NFIB: variants seen among roughly 807,000 people sequenced by gnomAD.
The protein encoded by NFIB is nuclear factor I B, also known as nuclear factor 1 B-type.
Under a neutral mutation model 61.5 loss-of-function variants are expected in NFIB, and 11 were observed. The ratio of observed to expected loss-of-function variants is 0.18; its 90% CI spans 0.11 to 0.30. The LOEUF is 0.30. NFIB is among the 10% of genes least tolerant of loss of function. The pLI is 1.00. For synonymous variants in NFIB, 260 were observed against 216.5 expected (o/e 1.20, Z -1.76); for missense variants, 471 against 608.9 (o/e 0.77, Z 2.38).
At chr9:14,250,316 A>C (rs2055448919) in intron 2 of NFIB, among the ~76,000 whole-genome samples, 1 of 152,166 alleles carries the variant, frequency 6.6e-6, no homozygotes, top group Non-Finnish European at 1.5e-5. Context: ...TAATGTCCCC[A>C]GGTAGCTAAT....
At chr9:14,177,155 T>C (rs1021486773) in intron 3 of NFIB, among the ~76,000 whole-genome samples, 1 of 152,222 alleles carries the variant, frequency 6.6e-6, no homozygotes, top group Non-Finnish European at 1.5e-5. Flanking sequence ...TTCTCATACA[T>C]GGATCGTGCC....
At chr9:14,245,038 C>T (rs12337612) in intron 2 of NFIB, among the ~76,000 whole-genome samples, 2 of 152,216 alleles carry the variant, frequency 1.3e-5, no homozygotes, top group Non-Finnish European at 2.9e-5. Context: ...TTATCACCCT[C>T]TGCAACCTCA....
the NFIB span, among the ~76,000 whole-genome samples, chr9:14,496,343 T>C: frequency 6.6e-6 from 1 of 152,208 alleles, no homozygotes; most frequent in Non-Finnish European, 1.5e-5. Flanking sequence ...ATAAACTGTG[T>C]TGTGTACCTA....
At chr9:14,262,243 T>C (rs2056825926) in intron 2 of NFIB, among the ~76,000 whole-genome samples, 1 of 152,142 alleles carries the variant, frequency 6.6e-6, no homozygotes, top group African/African-American at 2.4e-5. Flanking sequence ...ATACAGGTGA[T>C]TTCCTTGTAG....
At chr9:14,136,949 G>A (rs1166689887) in intron 6 of NFIB, among the ~76,000 whole-genome samples, 1 of 151,960 alleles carries the variant, frequency 6.6e-6, no homozygotes, top group Non-Finnish European at 1.5e-5. Flanking sequence ...TCCAACAAAT[G>A]TAAATGAAGA....
chr9:14,130,865 A>G (rs2040321407), intron 6 of NFIB, among the ~76,000 whole-genome samples: 1 of 152,224 alleles, frequency 6.6e-6, no homozygotes. Flanking sequence ...AAATATCACC[A>G]GATGAGAAGT....
chr9:14,172,727 G>A (rs2131371131), intron 3 of NFIB, among the ~76,000 whole-genome samples: 1 of 151,748 alleles, frequency 6.6e-6, no homozygotes, highest in Admixed American at 6.6e-5. Flanking sequence ...TGTAACTTCG[G>A]TATGTCATCT....
intron 2 of NFIB, among the ~76,000 whole-genome samples, chr9:14,236,433 A>G (rs1345735786): frequency 6.6e-6 from 1 of 152,084 alleles, no homozygotes; most frequent in Non-Finnish European, 1.5e-5. Context: ...TTACCATAAA[A>G]CTCTACCACA....
the NFIB span, among the ~76,000 whole-genome samples, chr9:14,500,062 T>C: frequency 3.9e-5 from 6 of 152,194 alleles, no homozygotes; most frequent in Non-Finnish European, 7.3e-5. Flanking sequence ...CCTGCCTACC[T>C]CTTTAGCCAC....
At chr9:14,506,932 C>T in the NFIB span, among the ~76,000 whole-genome samples, 1 of 152,186 alleles carries the variant, frequency 6.6e-6, no homozygotes, top group Non-Finnish European at 1.5e-5. Context: ...CACAAATCAA[C>T]TGTTAGGCGT....
At chr9:14,101,755 C>G (rs2035816611) in intron 10 of NFIB, among the ~76,000 whole-genome samples, 1 of 152,312 alleles carries the variant, frequency 6.6e-6, no homozygotes, top group African/African-American at 2.4e-5. Context: ...GAAACAGTAT[C>G]AGAACTGGTT....
At chr9:14,372,847 A>C (rs2132976461) in intron 1 of NFIB, among the ~76,000 whole-genome samples, 1 of 152,338 alleles carries the variant, frequency 6.6e-6, no homozygotes, top group Non-Finnish European at 1.5e-5. Flanking sequence ...CAAGTGTTGA[A>C]TCACTCAGAG....
intron 6 of NFIB, among the ~76,000 whole-genome samples, chr9:14,132,059 C>G (rs528475612): frequency 1.7e-3 from 266 of 152,216 alleles, no homozygotes; most frequent in Non-Finnish European, 2.9e-3. Flanking sequence ...CTTTTCTTCC[C>G]TATAGTAACA....
At chr9:14,374,434 CAT>C (rs1390569694) in intron 1 of NFIB, among the ~76,000 whole-genome samples, 1 of 152,132 alleles carries the variant, frequency 6.6e-6, no homozygotes, top group Non-Finnish European at 1.5e-5. Flanking sequence ...TGGTGACAGT[CAT>C]AGTATCTCAG....
At chr9:14,430,416 G>C in the NFIB span, among the ~76,000 whole-genome samples, 1 of 151,956 alleles carries the variant, frequency 6.6e-6, no homozygotes, top group Admixed American at 6.6e-5. Flanking sequence ...GTTATAATTT[G>C]AATAAACGGA....
At chr9:14,175,453 C>T (rs1177747837) in intron 3 of NFIB, among the ~76,000 whole-genome samples, 3 of 152,042 alleles carry the variant, frequency 2.0e-5, no homozygotes, top group Admixed American at 6.6e-5. Flanking sequence ...GGATTACAGG[C>T]GTAAGACACC....
chr9:14,223,927 T>A (rs2052029410), intron 2 of NFIB, among the ~76,000 whole-genome samples: 1 of 152,202 alleles, frequency 6.6e-6, no homozygotes, highest in African/African-American at 2.4e-5. Flanking sequence ...ACACTCTAGT[T>A]GGCCAAGAAG....
At chr9:14,293,393 C>G (rs1588168454) in intron 2 of NFIB, among the ~76,000 whole-genome samples, 1 of 152,166 alleles carries the variant, frequency 6.6e-6, no homozygotes, top group Non-Finnish European at 1.5e-5. Context: ...ACACTTCATC[C>G]TTCATGAAAT....
At chr9:14,300,570 T>G (rs1396959595) in intron 2 of NFIB, among the ~76,000 whole-genome samples, 1 of 152,214 alleles carries the variant, frequency 6.6e-6, no homozygotes, top group Admixed American at 6.5e-5. Flanking sequence ...ATTGACCATT[T>G]TAATGAGTGT....
Sources: allele counts gnomAD v4.1 joint callset (sites outside exome capture counted in the v4.1 genomes callset), GRCh38; gene constraint gnomAD v4.1.1; transcripts MANE v1.5; gene names NCBI Gene and HGNC (gene_info 2026-07-23, HGNC 2026-07-21).